Variants in PAK5 observed in about 807,000 individuals in gnomAD.
PAK5 encodes p21 (RAC1) activated kinase 5.
PAK5 carries 16 observed loss-of-function variants against 65.9 expected under a neutral mutation model. That is an observed-to-expected ratio of 0.24 (90% CI 0.16 to 0.37). The LOEUF (loss-of-function observed/expected upper bound fraction) is 0.37, where lower values mean the gene tolerates loss of function less well. Among genes scored for constraint, PAK5 ranks in the 10% least tolerant of loss-of-function variants. The pLI is 1.00. For synonymous variants in PAK5, 371 were observed against 354.9 expected (o/e 1.05, Z -0.51); for missense variants, 785 against 903.9 (o/e 0.87, Z 1.69).
At chr20:9,604,725 A>C (rs763267622) in intron 3 of PAK5, among the ~76,000 whole-genome samples, 3 of 152,102 alleles carry the variant, frequency 2.0e-5, no homozygotes, top group Non-Finnish European at 2.9e-5. Context: ...CACCAAAATG[A>C]CACCTCTTTC....
intron 5 of PAK5, among the ~76,000 whole-genome samples, chr20:9,564,555 A>G (rs1422647909): frequency 6.6e-6 from 1 of 152,214 alleles, no homozygotes; most frequent in East Asian, 1.9e-4. Context: ...TGACAGTCTC[A>G]ATGACGCTAG....
At chr20:9,725,817 GATATGTTAT>G (rs1278853858) in intron 1 of PAK5, among the ~76,000 whole-genome samples, 1 of 151,994 alleles carries the variant, frequency 6.6e-6, no homozygotes, top group East Asian at 1.9e-4. Flanking sequence ...TAAATGCACT[GATATGTTAT>G]ATTCAAGAAA....
intron 3 of PAK5, among the ~76,000 whole-genome samples, chr20:9,591,142 A>G (rs2046163517): frequency 1.3e-5 from 2 of 152,186 alleles, no homozygotes; most frequent in Non-Finnish European, 2.9e-5. Context: ...TAATCATAAT[A>G]TGACTCCAAG....
intron 2 of PAK5, among the ~76,000 whole-genome samples, chr20:9,699,553 GTTTTTTTT>G (rs34450464): frequency 1.4e-5 from 2 of 138,796 alleles, no homozygotes; most frequent in African/African-American, 5.4e-5. Context: ...TTTGCTTCTT[GTTTTTTTT>G]TTTTTTTTTT....
intron 1 of PAK5, among the ~76,000 whole-genome samples, chr20:9,753,841 A>T (rs2048603091): frequency 6.6e-6 from 1 of 152,152 alleles, no homozygotes. Context: ...ATGGCATTTA[A>T]GCTCCAGAGC....
intron 7 of PAK5, among the ~76,000 whole-genome samples, chr20:9,550,805 C>T (rs765983156): frequency 8.6e-5 from 13 of 151,398 alleles, no homozygotes; most frequent in Non-Finnish European, 1.8e-4. Flanking sequence ...AACCCCAATA[C>T]ACAGAGAGTA....
At chr20:9,725,012 T>C (rs1483867362) in intron 1 of PAK5, among the ~76,000 whole-genome samples, 1 of 152,168 alleles carries the variant, frequency 6.6e-6, no homozygotes, top group East Asian at 1.9e-4. Context: ...ACATAACCCA[T>C]AAATATATAC....
chr20:9,647,478 C>T (rs956853873), intron 2 of PAK5, among the ~76,000 whole-genome samples: 3 of 152,156 alleles, frequency 2.0e-5, no homozygotes, highest in Non-Finnish European at 4.4e-5. Flanking sequence ...ACTGAAAATG[C>T]TAGGCCAAAT....
intron 1 of PAK5, among the ~76,000 whole-genome samples, chr20:9,796,474 T>A (rs1275756893): frequency 6.6e-6 from 1 of 152,158 alleles, no homozygotes. Flanking sequence ...GTATATAGCA[T>A]GTAGCCCAAG....
At chr20:9,691,532 C>T (rs2047797715) in intron 2 of PAK5, among the ~76,000 whole-genome samples, 1 of 152,106 alleles carries the variant, frequency 6.6e-6, no homozygotes. Context: ...TAGTAAACAA[C>T]CTTATTCCAG....
intron 2 of PAK5, among the ~76,000 whole-genome samples, chr20:9,659,302 A>C (rs992722491): frequency 2.6e-5 from 4 of 152,208 alleles, no homozygotes; most frequent in Non-Finnish European, 5.9e-5. Flanking sequence ...AGAGAACCTT[A>C]TGTAACCTTA....
intron 2 of PAK5, among the ~76,000 whole-genome samples, chr20:9,690,492 G>A (rs1415593995): frequency 5.9e-5 from 9 of 152,032 alleles, no homozygotes; most frequent in Non-Finnish European, 1.3e-4. Flanking sequence ...ATAATTCAGG[G>A]AAAAGAAGAC....
chr20:9,733,727 G>A (rs943560894), intron 1 of PAK5, among the ~76,000 whole-genome samples: 1 of 152,142 alleles, frequency 6.6e-6, no homozygotes, highest in Non-Finnish European at 1.5e-5. Flanking sequence ...TTAGAGGTGT[G>A]AGACACCGCA....
chr20:9,744,732 T>A (rs2123596972), intron 1 of PAK5, among the ~76,000 whole-genome samples: 1 of 152,220 alleles, frequency 6.6e-6, no homozygotes, highest in East Asian at 1.9e-4. Flanking sequence ...TCATGCATGC[T>A]GTGACTTCAG....
At chr20:9,620,623 G>A (rs913867374) in intron 3 of PAK5, among the ~76,000 whole-genome samples, 5 of 152,140 alleles carry the variant, frequency 3.3e-5, no homozygotes, top group Admixed American at 1.3e-4. Context: ...GAAGAACATG[G>A]CTCACAGTGA....
intron 9 of PAK5, among the ~76,000 whole-genome samples, chr20:9,541,503 C>T (rs573962373): frequency 6.6e-6 from 1 of 152,326 alleles, no homozygotes; most frequent in East Asian, 1.9e-4. Context: ...ACAAGACCTA[C>T]CTTTTTCCCC....
At chr20:9,653,455 C>T (rs1291523685) in intron 2 of PAK5, among the ~76,000 whole-genome samples, 1 of 152,180 alleles carries the variant, frequency 6.6e-6, no homozygotes, top group Non-Finnish European at 1.5e-5. Flanking sequence ...TCAGCATCTC[C>T]AAAACTTAAC....
chr20:9,798,351 A>G (rs1213453341), intron 1 of PAK5, among the ~76,000 whole-genome samples: 1 of 152,104 alleles, frequency 6.6e-6, no homozygotes, highest in African/African-American at 2.4e-5. Context: ...GTATGGTGAG[A>G]GGGGAATAAA....
intron 2 of PAK5, among the ~76,000 whole-genome samples, chr20:9,698,129 A>C (rs1206003699): frequency 6.6e-6 from 1 of 152,140 alleles, no homozygotes; most frequent in African/African-American, 2.4e-5. Context: ...TCTTATCAGA[A>C]TCCTCAATAT....
Sources: gnomAD v4.1 joint callset for allele counts (sites outside exome capture counted in the v4.1 genomes callset) on GRCh38, gnomAD v4.1.1 for gene constraint, MANE v1.5 for transcripts, NCBI Gene and HGNC (gene_info 2026-07-23, HGNC 2026-07-21) for gene names.